The following EXOC4 variants were observed in gnomAD, a reference collection of about 807,000 sequenced individuals.
The protein encoded by EXOC4 is SEC8-like 1.
In EXOC4, 71 loss-of-function variants were observed where a neutral mutation model predicts 107.2. The ratio of observed to expected loss-of-function variants is 0.66; its 90% CI spans 0.55 to 0.81. EXOC4 has a LOEUF of 0.81. EXOC4 is among the 30% of genes least tolerant of loss of function. The pLI, the probability that EXOC4 is intolerant of heterozygous loss-of-function variation, is 0.00. For synonymous variants in EXOC4, 456 were observed against 441.2 expected (o/e 1.03, Z -0.42); for missense variants, 1,108 against 1,189.6 (o/e 0.93, Z 1.01).
chr7:133,388,281 A>G (rs1796773402), intron 7 of EXOC4, among the ~76,000 whole-genome samples: 1 of 152,072 alleles, frequency 6.6e-6, no homozygotes, highest in South Asian at 2.1e-4. Flanking sequence ...TTTTGAAACA[A>G]TCCTAGAAAT....
Position 133,922,241 on chromosome 7 carries a change from C to T in EXOC4, c.2027+4503C>T, listed in dbSNP as rs141588684. Among the ~76,000 whole-genome samples, 22 of 152,254 alleles carry T rather than the reference C, an allele frequency of 1.4e-4. 1 individual carries two copies. The East Asian group carries it at 4.2e-3, about 29-fold the overall frequency. ...ACACTGTTCACTTTTGTAAACAATACTCAGATCAAGAAACAGAACTTTAGC... is the reference window on the plus strand; with the variant it reads ...ACACTGTTCACTTTTGTAAACAATATTCAGATCAAGAAACAGAACTTTAGC... On this transcript the variant is annotated intron_variant, in intron 13 of 17. Coordinates refer to ENST00000253861, the MANE Select transcript of EXOC4 (RefSeq NM_021807.4).
chr7:133,317,446 A>G, intron 5 of EXOC4, 56 bp downstream of exon 5: 1 of 1,237,960 alleles, frequency 8.1e-7, no homozygotes, highest in Non-Finnish European at 1.2e-6. Flanking sequence ...GTTCCTAGGT[A>G]GATATCTGGA....
At chr7:133,938,622 G>C (rs1800358373) in intron 14 of EXOC4, among the ~76,000 whole-genome samples, 2 of 152,136 alleles carry the variant, frequency 1.3e-5, no homozygotes, top group Non-Finnish European at 2.9e-5. Flanking sequence ...CATGAAATTA[G>C]GGGGAACCTC....
intron 9 of EXOC4, chr7:133,576,564 A>G (rs1276092407): frequency 1.6e-6 from 2 of 1,289,818 alleles, no homozygotes; most frequent in Admixed American, 4.6e-5. Flanking sequence ...AAAGGAGAGG[A>G]TCCCAATAAT....
chr7:133,484,327 T>C (rs916296790), intron 9 of EXOC4: 2 of 560,464 alleles, frequency 3.6e-6, no homozygotes, highest in African/African-American at 1.9e-5. Flanking sequence ...ATGTGTGAGA[T>C]ACCAGGTGGA....
intron 1 of EXOC4, among the ~76,000 whole-genome samples, chr7:133,270,771 T>TG (rs1396940065): frequency 6.6e-6 from 1 of 152,142 alleles, no homozygotes; most frequent in African/African-American, 2.4e-5. Flanking sequence ...ACCTGGCTGG[T>TG]GGGGTGAGCT....
In EXOC4 at chr7:133,631,743, A is replaced by G. The variant is rs558904691; in HGVS notation, c.1514+1602A>G. ...AGTAAATTATAACATACAGAATTATAGATTAAATAACATTGATTATTTTTA... is the reference window on the plus strand; with the variant it reads ...AGTAAATTATAACATACAGAATTATGGATTAAATAACATTGATTATTTTTA... On this transcript the variant is annotated intron_variant, in intron 10 of 17. Transcript: ENST00000253861. 5.3e-5 allele frequency among the ~76,000 whole-genome samples: 8 copies of G among 152,150 alleles called. No individual in the cohort carries two copies. In the South Asian group the frequency reaches 1.7e-3, roughly 32 times the overall value.
intron 10 of EXOC4, among the ~76,000 whole-genome samples, chr7:133,736,624 C>T (rs745402285): frequency 9.2e-5 from 14 of 152,152 alleles, no homozygotes; most frequent in South Asian, 2.1e-4. Flanking sequence ...TAAATATTCA[C>T]GGTTGAAATA....
At chr7:133,470,620 G>T (rs1442089865) in intron 7 of EXOC4, among the ~76,000 whole-genome samples, 1 of 152,122 alleles carries the variant, frequency 6.6e-6, no homozygotes, top group Admixed American at 6.5e-5. Context: ...AGTTTTTACA[G>T]ATTATACCTT....
intron 6 of EXOC4, among the ~76,000 whole-genome samples, chr7:133,363,967 C>T (rs951227786): frequency 1.3e-5 from 2 of 152,076 alleles, no homozygotes; most frequent in African/African-American, 4.8e-5. Flanking sequence ...ATTAAAGCAC[C>T]TTCATGTGTC....
intron 17 of EXOC4, among the ~76,000 whole-genome samples, chr7:134,021,722 G>GAAAAAAAAA (rs60762484): frequency 2.6e-4 from 14 of 53,716 alleles, no homozygotes; most frequent in Admixed American, 6.5e-4. Context: ...AGTCAAACCA[G>GAAAAAAAAA]AAAAAAAAAA....
chr7:134,022,131 G>C (rs1795044105), intron 17 of EXOC4, among the ~76,000 whole-genome samples: 1 of 152,186 alleles, frequency 6.6e-6, no homozygotes, highest in African/African-American at 2.4e-5. Flanking sequence ...ACTTGCTGTG[G>C]TAAATCAGTC....
chr7:134,007,590 G>T, intron 16 of EXOC4, 86 bp from the exon 17 acceptor site: 1 of 1,291,372 alleles, frequency 7.7e-7, no homozygotes, highest in Non-Finnish European at 1.0e-6. Flanking sequence ...AGGATTAGAA[G>T]ACAGCAATTC....
At chr7:133,471,185 G>A (rs867659858) in intron 7 of EXOC4, among the ~76,000 whole-genome samples, 2 of 152,294 alleles carry the variant, frequency 1.3e-5, no homozygotes, top group Middle Eastern at 3.4e-3. Flanking sequence ...GCTGAGGCAG[G>A]CAGATAACCT....
At chr7:134,072,845 A>G in the EXOC4 span, among the ~76,000 whole-genome samples, 2 of 152,130 alleles carry the variant, frequency 1.3e-5, no homozygotes, top group African/African-American at 4.8e-5. Flanking sequence ...CAGACACACT[A>G]TCAAGAAAGC....
rs1799002771 is a variant in EXOC4 at position 133,883,226 on chromosome 7, T to G, written c.1735-12373T>G. On this transcript the variant is annotated intron_variant, in intron 11 of 17. Transcript: ENST00000253861. ...TCCACGTGTTGCATGTAGCAGTAGC[T>G]TGTCTTTTTTATTATTCTGCAGTCT... Among the ~76,000 whole-genome samples the G allele has an allele frequency of 1.3e-5, 2 of 152,146 alleles. 1 individual carries two copies. Among genetic ancestry groups the G allele is most frequent in the South Asian group, 4.1e-4 (2 of 4,828 alleles).
chr7:133,436,214 C>A (rs1271714759), intron 7 of EXOC4, among the ~76,000 whole-genome samples: 3 of 152,080 alleles, frequency 2.0e-5, no homozygotes, highest in Admixed American at 6.5e-5. Flanking sequence ...CGTGGGCCTT[C>A]CTTGTACTGC....
intron 10 of EXOC4, among the ~76,000 whole-genome samples, chr7:133,667,141 G>A (rs1793834799): frequency 1.3e-5 from 2 of 152,220 alleles, no homozygotes; most frequent in South Asian, 4.1e-4. Context: ...GCTATATCCA[G>A]TTTTATTGCC....
chr7:133,754,193 G>A (rs1795850831), intron 10 of EXOC4, among the ~76,000 whole-genome samples: 1 of 152,180 alleles, frequency 6.6e-6, no homozygotes, highest in Non-Finnish European at 1.5e-5. Flanking sequence ...TGGAGGTAAA[G>A]GGGAGGGAGA....
Sources: allele counts gnomAD v4.1 joint callset (sites outside exome capture counted in the v4.1 genomes callset), GRCh38; gene constraint gnomAD v4.1.1; transcripts MANE v1.5; gene names NCBI Gene and HGNC (gene_info 2026-07-23, HGNC 2026-07-21).